MSI2: variants seen among roughly 807,000 people sequenced by gnomAD.
The protein encoded by MSI2 is RNA-binding protein Musashi homolog 2.
MSI2 carries 17 observed loss-of-function variants against 45.6 expected under a neutral mutation model. The observed-to-expected ratio is 0.37, with a 90% confidence interval of 0.26 to 0.56. The LOEUF is 0.56. Among genes scored for constraint, MSI2 ranks in the 20% least tolerant of loss-of-function variants. The pLI, the probability that MSI2 is intolerant of heterozygous loss-of-function variation, is 0.77. For missense variants in MSI2, 293 were observed against 444.2 expected (o/e 0.66, Z 3.06); for synonymous variants, 156 against 158.2 (o/e 0.99, Z 0.11).
intron 6 of MSI2, among the ~76,000 whole-genome samples, chr17:57,510,413 T>C (rs2086328553): frequency 6.7e-6 from 1 of 149,480 alleles, no homozygotes; most frequent in Admixed American, 6.7e-5. Context: ...TTTTTTTTTG[T>C]TTGTTTGTTT....
At chr17:57,406,999 C>T (rs2084094717) in intron 6 of MSI2, 1 of 152,122 alleles carries the variant, frequency 6.6e-6, no homozygotes, top group African/African-American at 2.4e-5. Flanking sequence ...AGTTACAGCT[C>T]TTGAGGTCTC....
chr17:57,435,636 C>A (rs1192868188), intron 6 of MSI2, among the ~76,000 whole-genome samples: 1 of 152,180 alleles, frequency 6.6e-6, no homozygotes, highest in Admixed American at 6.5e-5. Flanking sequence ...AAAGTCAATA[C>A]AGCATGCTCA....
At chr17:57,581,290 GGT>G (rs2088200787) in intron 7 of MSI2, among the ~76,000 whole-genome samples, 1 of 152,110 alleles carries the variant, frequency 6.6e-6, no homozygotes, top group African/African-American at 2.4e-5. Context: ...TGGGATTACA[GGT>G]GTGAGCCACT....
chr17:57,546,523 G>T (rs997302058), intron 7 of MSI2, among the ~76,000 whole-genome samples: 1 of 152,232 alleles, frequency 6.6e-6, no homozygotes, highest in African/African-American at 2.4e-5. Flanking sequence ...GCTCTGGTGG[G>T]TGGCCTTGCC....
chr17:57,410,395 G>C (rs529574509), intron 6 of MSI2, among the ~76,000 whole-genome samples: 1 of 152,246 alleles, frequency 6.6e-6, no homozygotes, highest in Admixed American at 6.5e-5. Context: ...CCTTGCGTGA[G>C]CACAGGCCGG....
intron 2 of MSI2, 122 bp from the exon 3 acceptor site, chr17:57,257,343 CA>C (rs1906877696): frequency 1.2e-5 from 8 of 673,104 alleles, no homozygotes; most frequent in Non-Finnish European, 1.7e-5. Flanking sequence ...GCAAAAAATG[CA>C]AAAACAAAAC....
At chr17:57,401,082 G>A (rs1478201986) in intron 5 of MSI2, among the ~76,000 whole-genome samples, 1 of 152,124 alleles carries the variant, frequency 6.6e-6, no homozygotes, top group South Asian at 2.1e-4. Flanking sequence ...CTTGACATGT[G>A]ATTTTTCTCT....
chr17:57,602,603 C>A (rs1906026452), intron 8 of MSI2, among the ~76,000 whole-genome samples: 1 of 151,912 alleles, frequency 6.6e-6, no homozygotes, highest in South Asian at 2.1e-4. Flanking sequence ...GATCCCCTTG[C>A]CTCTGCCTCC....
At chr17:57,519,604 A>G (rs2086542920) in intron 6 of MSI2, among the ~76,000 whole-genome samples, 1 of 152,060 alleles carries the variant, frequency 6.6e-6, no homozygotes, top group African/African-American at 2.4e-5. Context: ...TACCTTTCCA[A>G]TCATTCCTCC....
intron 7 of MSI2, among the ~76,000 whole-genome samples, chr17:57,584,983 C>T (rs573173859): frequency 7.9e-5 from 12 of 151,970 alleles, no homozygotes; most frequent in Non-Finnish European, 5.9e-5. Flanking sequence ...ACTCCTGGCT[C>T]GTTTTTGTAT....
At chr17:57,393,140 G>A (rs2083825927) in intron 5 of MSI2, among the ~76,000 whole-genome samples, 1 of 152,122 alleles carries the variant, frequency 6.6e-6, no homozygotes. Flanking sequence ...ATCAAATACA[G>A]GTTGAAGATC....
At chr17:57,389,750 C>T (rs12449772) in intron 5 of MSI2, among the ~76,000 whole-genome samples, 134,325 of 152,244 alleles carry the variant, frequency 0.88, 59,293 homozygotes, top group East Asian at 0.97. Context: ...ACACCTACTA[C>T]GTGCCAGGTG....
intron 5 of MSI2, among the ~76,000 whole-genome samples, chr17:57,276,076 A>G (rs8067686): frequency 1.2e-3 from 190 of 152,312 alleles, no homozygotes; most frequent in African/African-American, 4.4e-3. Context: ...TTGACAAAGA[A>G]GGAAGATCTT....
intron 5 of MSI2, among the ~76,000 whole-genome samples, chr17:57,330,289 CT>C (rs1023452042): frequency 2.1e-3 from 297 of 142,518 alleles, no homozygotes; most frequent in Admixed American, 3.2e-3. Flanking sequence ...TCTTTTTTTT[CT>C]TTTTTTTTTT....
chr17:57,671,641 G>A (rs1912784002), intron 11 of MSI2: 1 of 151,832 alleles, frequency 6.6e-6, no homozygotes, highest in African/African-American at 2.4e-5. Flanking sequence ...CTCTTAGAGG[G>A]AGACGGGTTC....
chr17:57,302,343 C>T (rs181263948), intron 5 of MSI2, among the ~76,000 whole-genome samples: 5 of 152,242 alleles, frequency 3.3e-5, no homozygotes, highest in East Asian at 3.9e-4. Context: ...TTCCTGGGCT[C>T]AGTAGGGCCT....
chr17:57,463,050 A>G (rs912777151), intron 6 of MSI2, among the ~76,000 whole-genome samples: 19 of 152,328 alleles, frequency 1.2e-4, no homozygotes, highest in African/African-American at 4.1e-4. Flanking sequence ...TTTCATCGCA[A>G]CGAGTGCCCC....
rs1054549140 is a variant in MSI2, at chr17:57,338,177, C to T, written c.313-63202C>T. 5.3e-5 allele frequency among the ~76,000 whole-genome samples: 8 copies of T among 152,060 alleles called. No homozygotes were observed. In the South Asian group the frequency reaches 1.7e-3, roughly 32 times the overall value. On this transcript the variant is annotated intron_variant, in intron 5 of 13. Transcript: ENST00000284073. ...TGATCTCGGCTCACTACAACCTCCA[C>T]CTCCTGGGTTTAGGAAATCCTCCTC...
chr17:57,333,044 A>G (rs1047316921), intron 5 of MSI2, among the ~76,000 whole-genome samples: 2 of 150,954 alleles, frequency 1.3e-5, no homozygotes, highest in Non-Finnish European at 2.9e-5. Flanking sequence ...GAAAAAAAAA[A>G]GAGTACGGAT....
Sources: gnomAD v4.1 joint callset for allele counts (sites outside exome capture counted in the v4.1 genomes callset) on GRCh38, gnomAD v4.1.1 for gene constraint, MANE v1.5 for transcripts, NCBI Gene and HGNC (gene_info 2026-07-23, HGNC 2026-07-21) for gene names.